ICA1: variants seen among roughly 807,000 people sequenced by gnomAD.
ICA1 encodes islet cell autoantigen 1.
A neutral mutation model predicts 71.0 loss-of-function variants in ICA1; 40 were observed. The ratio of observed to expected loss-of-function variants is 0.56; its 90% CI spans 0.44 to 0.73. The LOEUF (loss-of-function observed/expected upper bound fraction) is 0.73, where lower values mean the gene tolerates loss of function less well. Among genes scored for constraint, ICA1 ranks in the 30% least tolerant of loss-of-function variants. The pLI is 0.00. For synonymous variants in ICA1, 207 were observed against 209.5 expected (o/e 0.99, Z 0.10); for missense variants, 578 against 576.5 (o/e 1.00, Z -0.03).
chr7:8,230,439 G>A (rs1799929353), intron 3 of ICA1, among the ~76,000 whole-genome samples: 3 of 152,052 alleles, frequency 2.0e-5, no homozygotes, highest in Admixed American at 2.0e-4. Context: ...TTTCATGGAT[G>A]GAATCCATCC....
At chr7:8,225,105 G>A (rs1798218199) in intron 4 of ICA1, among the ~76,000 whole-genome samples, 1 of 152,138 alleles carries the variant, frequency 6.6e-6, no homozygotes, top group African/African-American at 2.4e-5. Flanking sequence ...ATGAGACAAT[G>A]CAAATGTCCA....
chr7:8,164,947 C>T (rs1051395421), intron 6 of ICA1, among the ~76,000 whole-genome samples: 5 of 152,094 alleles, frequency 3.3e-5, no homozygotes, highest in African/African-American at 1.2e-4. Flanking sequence ...GCTGGTGGCA[C>T]CTGCCTGTAG....
chr7:8,251,178 G>A (rs1402441299), intron 1 of ICA1, among the ~76,000 whole-genome samples: 1 of 152,042 alleles, frequency 6.6e-6, no homozygotes, highest in Non-Finnish European at 1.5e-5. Context: ...ATGAGCCACT[G>A]TGCCCAGCCA....
intron 6 of ICA1, among the ~76,000 whole-genome samples, chr7:8,175,144 G>C (rs375663697): frequency 1.1e-3 from 167 of 152,014 alleles, no homozygotes; most frequent in African/African-American, 4.0e-3. Flanking sequence ...AAAGCGGGGA[G>C]GGGCACAGAG....
At chr7:8,118,358 A>G (rs1330129590) in intron 13 of ICA1, among the ~76,000 whole-genome samples, 1 of 152,250 alleles carries the variant, frequency 6.6e-6, no homozygotes, top group Non-Finnish European at 1.5e-5. Flanking sequence ...AACAATCAAA[A>G]GTACTAGGCT....
intron 13 of ICA1, chr7:8,116,121 C>G (rs1472056623): frequency 2.6e-5 from 4 of 152,200 alleles, no homozygotes; most frequent in Non-Finnish European, 5.9e-5. Flanking sequence ...TCTCATAGCC[C>G]TGTCTTGAGC....
rs143206309 is a variant in ICA1 at position 8,192,242 on chromosome 7, G to A, written c.579+26063C>T. On this transcript the variant is annotated intron_variant, in intron 6 of 13. Transcript: ENST00000402384. ...AAAAGAAAATCTAAAATCATACACT[G>A]CATTCAGTTGTCATGTTTTTTCAGT... Among the ~76,000 whole-genome samples, 24 of 152,220 alleles carry A rather than the reference G, an allele frequency of 1.6e-4. No individual in the cohort carries two copies. The East Asian group carries it at 4.4e-3, about 28-fold the overall frequency.
intron 6 of ICA1, among the ~76,000 whole-genome samples, chr7:8,159,896 T>C (rs1295426576): frequency 6.6e-6 from 1 of 152,190 alleles, no homozygotes; most frequent in African/African-American, 2.4e-5. Context: ...GTATTCAGTG[T>C]GATGAGTTCA....
intron 6 of ICA1, among the ~76,000 whole-genome samples, chr7:8,192,229 A>G (rs984004995): frequency 6.6e-6 from 1 of 152,242 alleles, no homozygotes; most frequent in African/African-American, 2.4e-5. Flanking sequence ...AAGAAAATCT[A>G]AAATCATACA....
intron 5 of ICA1, chr7:8,218,767 TG>T: frequency 2.0e-6 from 1 of 492,118 alleles, no homozygotes. Flanking sequence ...TTGTTGGGGG[TG>T]GTCTTGAGCC....
chr7:8,134,201 C>T (rs1161152125), intron 12 of ICA1, among the ~76,000 whole-genome samples: 1 of 152,174 alleles, frequency 6.6e-6, no homozygotes, highest in African/African-American at 2.4e-5. Flanking sequence ...TTGCCCTGTA[C>T]TGCCCAAGTT....
intron 13 of ICA1, among the ~76,000 whole-genome samples, chr7:8,119,948 A>G (rs1786224756): frequency 6.6e-6 from 1 of 152,188 alleles, no homozygotes; most frequent in Non-Finnish European, 1.5e-5. Context: ...CAAAACAGAT[A>G]TCTTCTACTT....
intron 1 of ICA1, among the ~76,000 whole-genome samples, chr7:8,236,492 T>C (rs1191590436): frequency 2.0e-5 from 3 of 152,222 alleles, no homozygotes; most frequent in Non-Finnish European, 4.4e-5. Context: ...ATATATTGCA[T>C]CTGTATGCCT....
intron 6 of ICA1, among the ~76,000 whole-genome samples, chr7:8,169,028 G>A (rs1356533067): frequency 1.3e-5 from 2 of 151,972 alleles, no homozygotes; most frequent in African/African-American, 4.8e-5. Context: ...TCAAGTCCCA[G>A]CTCCTGCCAA....
intron 6 of ICA1, among the ~76,000 whole-genome samples, chr7:8,214,699 G>A (rs377034334): frequency 3.9e-5 from 6 of 152,084 alleles, no homozygotes; most frequent in South Asian, 2.1e-4. Context: ...GAGCTCTGTC[G>A]TCAGGCCTCT....
At chr7:8,261,795 G>T (rs1053075458) in intron 1 of ICA1, among the ~76,000 whole-genome samples, 1 of 152,176 alleles carries the variant, frequency 6.6e-6, no homozygotes, top group Non-Finnish European at 1.5e-5. Context: ...TCCCAGCGCT[G>T]GGGCCGGAGC....
chr7:8,134,835 A>G (rs1792805822), intron 12 of ICA1, among the ~76,000 whole-genome samples: 2 of 152,234 alleles, frequency 1.3e-5, no homozygotes, highest in African/African-American at 4.8e-5. Flanking sequence ...TCCCTGAAAA[A>G]CAAAACAAAA....
intron 6 of ICA1, among the ~76,000 whole-genome samples, chr7:8,210,439 T>C (rs1382199788): frequency 6.6e-6 from 1 of 152,232 alleles, no homozygotes; most frequent in African/African-American, 2.4e-5. Context: ...CATGAATATG[T>C]ATTTATTTAA....
chr7:8,187,488 GA>G (rs1438110042), intron 6 of ICA1, among the ~76,000 whole-genome samples: 2 of 152,210 alleles, frequency 1.3e-5, no homozygotes, highest in African/African-American at 4.8e-5. Context: ...GAGTGAATGT[GA>G]AGGCCCAGGA....
Sources: allele counts gnomAD v4.1 joint callset (sites outside exome capture counted in the v4.1 genomes callset), GRCh38; gene constraint gnomAD v4.1.1; transcripts MANE v1.5; gene names NCBI Gene and HGNC (gene_info 2026-07-23, HGNC 2026-07-21).